Variants in PPP6R1 observed in about 807,000 individuals in gnomAD.
PPP6R1 encodes serine/threonine-protein phosphatase 6 regulatory subunit 1.
Under a neutral mutation model 104.6 loss-of-function variants are expected in PPP6R1, and 39 were observed. That is an observed-to-expected ratio of 0.37 (90% confidence interval 0.29 to 0.49). The LOEUF (loss-of-function observed/expected upper bound fraction) is 0.49, where lower values mean the gene tolerates loss of function less well. PPP6R1 is among the 20% of genes least tolerant of loss of function. The pLI is 0.98. For missense variants in PPP6R1, 1,181 were observed against 1,155.8 expected (o/e 1.02, Z -0.32); for synonymous variants, 549 against 479.0 (o/e 1.15, Z -1.91).
At chr19:55,229,512 T>TG (rs746394868), downstream of PPP6R1, 4 of 152,340 alleles carry the variant, frequency 2.6e-5, no homozygotes, top group East Asian at 1.9e-4. Flanking sequence ...GCTTGGTTAC[T>TG]GGGGGTAAGC....
intron 1 of PPP6R1, among the ~76,000 whole-genome samples, chr19:55,249,179 G>T (rs936859366): frequency 6.6e-6 from 1 of 152,106 alleles, no homozygotes; most frequent in Admixed American, 6.5e-5. Flanking sequence ...CCTCTGGGGG[G>T]CCTGCCAGGT....
chr19:55,240,554 CACAT>C lies in PPP6R1; in HGVS notation c.1297-258_1297-255del, dbSNP rs1473255658. On this transcript the variant is annotated intron_variant, in intron 10 of 23. Transcript: ENST00000412770. ...ACACACACACACACACACACACACA[CACAT>C]GCATGCACTAACGGACACACACATG... Among the ~76,000 whole-genome samples, 93 of 149,958 alleles carry C rather than the reference CACAT, an allele frequency of 6.2e-4. No homozygotes were observed. In the East Asian group the frequency reaches 8.6e-3, roughly 14 times the overall value.
intron 15 of PPP6R1, 133 bp downstream of exon 15, chr19:55,239,272 G>T: frequency 1.2e-6 from 1 of 859,234 alleles, no homozygotes. Flanking sequence ...CGGCCAACGC[G>T]TGCCCAGGAG....
rs771568673 is a variant in PPP6R1 at position 55,232,111 on chromosome 19, G to A, written c.2089C>T (p.Pro697Ser). Residue 697 changes from proline (P) to serine (S), a missense_variant, in exon 18 of 24, where the codon CCT (proline) becomes TCT (serine). Physicochemically the swap from Pro to Ser is moderately conservative, Grantham distance 74. Coordinates refer to ENST00000412770, the MANE Select transcript of PPP6R1 (RefSeq NM_014931.4). ...GGGCCAGGGCTGGGGTAGGACAGAG[G>A]GGTGGCCCCTCCACGGGCTGCACAG... ...IGCAARGGAT[P>S]LSYPSPGPQP... The A allele has an allele frequency of 2.2e-5, 35 of 1,606,362 alleles. No individual in the cohort carries two copies. Among genetic ancestry groups the A allele is most frequent in the Non-Finnish European group, 2.7e-5 (32 of 1,176,620 alleles).
At chr19:55,233,240 T>C (rs1394532293) in intron 17 of PPP6R1, 2 of 152,212 alleles carry the variant, frequency 1.3e-5, no homozygotes, top group African/African-American at 2.4e-5. Flanking sequence ...GAAAGTAATA[T>C]ATCTGTATAT....
At chr19:55,242,535 C>G (rs776146396) in intron 5 of PPP6R1, 47 bp from the exon 6 acceptor site, 1 of 1,497,206 alleles carries the variant, frequency 6.7e-7, no homozygotes, top group African/African-American at 1.4e-5. Flanking sequence ...GCCACCGGGC[C>G]CTCTGCAGCC....
rs565855935 is a variant in PPP6R1, at chr19:55,239,021, G to A, written c.1751+384C>T. The A allele has an allele frequency of 3.4e-4, 71 of 210,122 alleles. No homozygotes were observed. The Admixed American group carries it at 3.8e-3, about 11-fold the overall frequency. The allele number at this position is 210,122 out of a possible 1,614,324, so 13.0% of individuals were successfully genotyped here. A position where few individuals can be genotyped will look rare whatever the true frequency, so the allele number is the denominator to read the frequency against. ...TCCTGAGCCAGAGGGCATCCATGGA[G>A]GTGCAGCTCTGCCCCACAGTCCCTG... On this transcript the variant is annotated intron_variant, in intron 15 of 23. Transcript: ENST00000412770.
chr19:55,230,259 T>C lies in PPP6R1; in HGVS notation c.*269A>G, dbSNP rs1223718719. ...CTCCTCCCTCTCTCTATATAATATA[T>C]AATATATGTTTCTCTCTCTCCATTC... On this transcript the variant is annotated 3_prime_UTR_variant, in exon 24 of 24. Coordinates refer to ENST00000412770, the MANE Select transcript of PPP6R1 (RefSeq NM_014931.4). The C allele has an allele frequency of 1.8e-6, 1 of 549,990 alleles. No homozygotes were observed. The highest frequency in any genetic ancestry group is 3.3e-6 in the Non-Finnish European group (1 of 306,912). 34.1% of individuals were successfully genotyped at this position (549,990 alleles called of 1,614,324 possible).
chr19:55,242,440 G>T lies in PPP6R1; in HGVS notation c.667C>A (p.Arg223=). The T allele has an allele frequency of 1.2e-6, 2 of 1,613,988 alleles. No homozygotes were observed. Among genetic ancestry groups the T allele is most frequent in the Non-Finnish European group, 1.7e-6 (2 of 1,179,872 alleles). The change falls in exon 6 of 24, where the codon CGG becomes AGG. Residue 223 remains arginine, a synonymous_variant. Transcript: ENST00000412770. ...QSLCDIIRLS[R]EQMIQVQDSP... ...TCCTGGACTTGGATCATCTGCTCCC[G>T]GCTCAGGCGGATGATGTCACACAGG... is the stretch of plus-strand genomic sequence containing the variant.
intron 1 of PPP6R1, among the ~76,000 whole-genome samples, chr19:55,253,210 A>G (rs1161025707): frequency 1.3e-5 from 2 of 152,248 alleles, no homozygotes; most frequent in East Asian, 3.9e-4. Flanking sequence ...AAGACCAAGT[A>G]AAGAATTCTT....
chr19:55,252,958 T>C (rs2087565296), intron 1 of PPP6R1, among the ~76,000 whole-genome samples: 1 of 151,930 alleles, frequency 6.6e-6, no homozygotes, highest in Admixed American at 6.5e-5. Flanking sequence ...GCTCAGGCCT[T>C]GCACTATGTC....
chr19:55,240,000 C>A lies in PPP6R1; in HGVS notation c.1476G>T (p.Lys492Asn), dbSNP rs2122601898. ...PNAEQLRQLL[K>N]ELPSEQQEQW... ...TCAGGCCGGCCTGGGGACCCTCACC[C>A]TTCAGCAGCTGCCGCAGCTGCTCTG... is the stretch of plus-strand genomic sequence containing the variant. Residue 492 changes from lysine to asparagine, a missense_variant and splice_region_variant, in exon 12 of 24, where the codon AAG (lysine) becomes AAT (asparagine). By Grantham distance (94) the Lys-to-Asn change is moderately conservative. Coordinates refer to ENST00000412770, the MANE Select transcript of PPP6R1 (RefSeq NM_014931.4). 6.2e-7 allele frequency: 1 copy of A among 1,605,362 alleles called. No individual in the cohort carries two copies. Among genetic ancestry groups the A allele is most frequent in the Non-Finnish European group, 8.5e-7 (1 of 1,176,564 alleles).
Position 55,230,627 on chromosome 19 carries a change from T to A in PPP6R1, c.2628A>T (p.Ala876=), listed in dbSNP as rs373451269. Residue 876 remains alanine (A), a synonymous_variant, in exon 23 of 24, where the codon GCA becomes GCT. Transcript: ENST00000412770. ...IPNGSAPEGP[A]SPGSQ is the part of the protein sequence containing the mutation. ...GCCACACTCACTGGGAGCCTGGGGA[T>A]GCAGGCCCTTCCGGGGCAGAGCCAT... 7.8e-4 allele frequency: 1,260 copies of A among 1,611,830 alleles called. No individual in the cohort carries two copies. Among genetic ancestry groups the A allele is most frequent in the Non-Finnish European group, 1.0e-3 (1,194 of 1,178,926 alleles).
intron 14 of PPP6R1, 29 bp downstream of exon 14, chr19:55,239,565 A>G: frequency 6.2e-7 from 1 of 1,610,150 alleles, no homozygotes; most frequent in South Asian, 1.1e-5. Context: ...AGCATAGCCC[A>G]GCACAGCCCC....
chr19:55,242,041 G>A, intron 7 of PPP6R1, 125 bp downstream of exon 7: 1 of 872,126 alleles, frequency 1.1e-6, no homozygotes, highest in South Asian at 1.5e-5. Context: ...AGGGAGCACA[G>A]GCAGCCACAG....
At chr19:55,246,788 G>C in intron 2 of PPP6R1, 89 bp downstream of exon 2, 2 of 1,219,710 alleles carry the variant, frequency 1.6e-6, no homozygotes, top group Non-Finnish European at 2.2e-6. Flanking sequence ...TACTGACACT[G>C]ACGCATTTCA....
At chr19:55,240,696 GCTGCTCGCAGGT>G (rs1381542109) in intron 10 of PPP6R1, among the ~76,000 whole-genome samples, 2 of 152,080 alleles carry the variant, frequency 1.3e-5, no homozygotes, top group African/African-American at 4.8e-5. Flanking sequence ...TGCACACTCA[GCTGCTCGCAGGT>G]CTGCTCCCGC....
Position 55,245,613 on chromosome 19 carries a change from G to A in PPP6R1, c.293C>T (p.Ala98Val). The A allele has an allele frequency of 6.2e-7, 1 of 1,611,864 alleles. No individual in the cohort carries two copies. Among genetic ancestry groups the A allele is most frequent in the Non-Finnish European group, 8.5e-7 (1 of 1,179,780 alleles). Reference protein sequence around the residue: ...DVPQINDALGADESLLNRLYG... With the variant: ...DVPQINDALGVDESLLNRLYG... Reference sequence around the variant, plus strand: ...GAGCCGGTTCAGAAGGGACTCATCAGCACCCAGGGCATCATTGATCTGGGG... The same window carrying A: ...GAGCCGGTTCAGAAGGGACTCATCAACACCCAGGGCATCATTGATCTGGGG... Residue 98 changes from alanine to valine, a missense_variant, in exon 3 of 24, where the codon GCT becomes GTT. Physicochemically the swap from Ala to Val is moderately conservative, Grantham distance 64. Coordinates refer to ENST00000412770, the MANE Select transcript of PPP6R1 (RefSeq NM_014931.4). This position sits in a 1 kb window ranked among gnomAD's most constrained non-coding sequence, Gnocchi z 6.4.
intron 1 of PPP6R1, among the ~76,000 whole-genome samples, chr19:55,249,040 G>A (rs139052804): frequency 6.6e-6 from 1 of 152,222 alleles, no homozygotes; most frequent in Non-Finnish European, 1.5e-5. Flanking sequence ...CACTATATGG[G>A]TCCCTACACC....
Sources: allele counts gnomAD v4.1 joint callset (sites outside exome capture counted in the v4.1 genomes callset), GRCh38; gene constraint gnomAD v4.1.1; non-coding constraint Gnocchi (gnomAD v3.1); transcripts MANE v1.5; gene names NCBI Gene and HGNC (gene_info 2026-07-23, HGNC 2026-07-21).